The following RNF43 variants were observed in gnomAD, a reference collection of about 807,000 sequenced individuals.
The protein encoded by RNF43 is E3 ubiquitin-protein ligase RNF43.
Under a neutral mutation model 78.4 loss-of-function variants are expected in RNF43, and 37 were observed. The ratio of observed to expected loss-of-function variants is 0.47; its 90% CI spans 0.36 to 0.62. The LOEUF (loss-of-function observed/expected upper bound fraction) is 0.62. Among genes scored for constraint, RNF43 ranks in the 20% least tolerant of loss-of-function variants. The pLI is 0.00. For missense variants in RNF43, 774 were observed against 1,007.9 expected (o/e 0.77, Z 3.14); for synonymous variants, 347 against 395.0 (o/e 0.88, Z 1.44).
At chr17:58,359,759 T>A (rs945602695) in intron 8 of RNF43, among the ~76,000 whole-genome samples, 2 of 151,266 alleles carry the variant, frequency 1.3e-5, no homozygotes, top group Non-Finnish European at 1.5e-5. Context: ...AAACCCCGTC[T>A]CTACTAAAAA....
chr17:58,378,637 G>C (rs1248221842), intron 2 of RNF43, among the ~76,000 whole-genome samples: 1 of 152,164 alleles, frequency 6.6e-6, no homozygotes, highest in African/African-American at 2.4e-5. Flanking sequence ...GGTGGGGAGG[G>C]AGAAGCATAA....
At chr17:58,364,106 G>C (rs1045611700) in intron 3 of RNF43, among the ~76,000 whole-genome samples, 5 of 152,208 alleles carry the variant, frequency 3.3e-5, no homozygotes, top group Admixed American at 1.3e-4. Flanking sequence ...CCCCAGCTCA[G>C]GCAAAGGTCT....
In RNF43 at chr17:58,358,814, G is replaced by A. The variant is rs1444015068; in HGVS notation, c.962C>T (p.Ser321Leu). 3.3e-6 allele frequency: 5 copies of A among 1,502,824 alleles called. No homozygotes were observed. The African/African-American group carries it at 7.0e-5, about 21-fold the overall frequency. The allele number at this position is 1,502,824 out of a possible 1,614,324, so 93.1% of individuals were successfully genotyped here. A position where few individuals can be genotyped will look rare whatever the true frequency, so the allele number is the denominator to read the frequency against. Residue 321 changes from serine to leucine, a missense_variant, in exon 9 of 10, where the codon TCA becomes TTA. Ser to Leu is a moderately radical substitution (Grantham distance 145). Transcript: ENST00000407977. This position sits in a 1 kb window ranked among gnomAD's most constrained non-coding sequence, Gnocchi z 6.2. The stretch of plus-strand genomic sequence containing the variant: ...AGAGGGTCCCAGGGACTGGGAAAAT[G>A]AATCTCCCTCTGGAAAAAAGAACCA... ...LCMFNITEGD[S>L]FSQSLGPSRS...
intron 3 of RNF43, among the ~76,000 whole-genome samples, chr17:58,367,328 T>C (rs192243329): frequency 4.9e-4 from 74 of 152,296 alleles, no homozygotes; most frequent in African/African-American, 1.8e-3. Context: ...TTATTAATAC[T>C]ATGTGTTTCC....
intron 2 of RNF43, among the ~76,000 whole-genome samples, chr17:58,406,497 A>G (rs1280629113): frequency 6.6e-6 from 1 of 152,172 alleles, no homozygotes; most frequent in Non-Finnish European, 1.5e-5. Context: ...CCTCCATCAA[A>G]ACTGTATTTT....
intron 2 of RNF43, among the ~76,000 whole-genome samples, chr17:58,383,419 C>T (rs1973363760): frequency 6.6e-6 from 1 of 152,010 alleles, no homozygotes; most frequent in Admixed American, 6.6e-5. Flanking sequence ...TCAGCAACCC[C>T]CAAGTGGCTG....
intron 3 of RNF43, among the ~76,000 whole-genome samples, chr17:58,365,479 G>A (rs1377763660): frequency 6.6e-6 from 1 of 152,278 alleles, no homozygotes; most frequent in East Asian, 1.9e-4. Context: ...ATTGGGGTAG[G>A]AACAGTGGAA....
At chr17:58,409,829 T>G (rs993562138) in intron 2 of RNF43, among the ~76,000 whole-genome samples, 3 of 152,200 alleles carry the variant, frequency 2.0e-5, no homozygotes, top group Admixed American at 2.0e-4. Flanking sequence ...GAGGCTGCAG[T>G]GAGCCGTGTC....
intron 2 of RNF43, among the ~76,000 whole-genome samples, chr17:58,374,677 C>A (rs950048774): frequency 3.9e-5 from 6 of 152,136 alleles, no homozygotes; most frequent in African/African-American, 1.4e-4. Flanking sequence ...AGGCATGAGC[C>A]ACCGTGTCTG....
chr17:58,368,816 G>C (rs554959564), intron 3 of RNF43, among the ~76,000 whole-genome samples: 8 of 151,826 alleles, frequency 5.3e-5, no homozygotes, highest in Non-Finnish European at 1.0e-4. Context: ...TTAACATGTT[G>C]AACTAACAGA....
At position 58,361,067 on chromosome 17, in the gene RNF43, G is replaced by C. The variant is rs932452498; in HGVS notation, c.688-123C>G. 6 of 1,027,784 alleles carry C rather than the reference G, an allele frequency of 5.8e-6. No individual in the cohort carries two copies. The African/African-American group carries it at 8.3e-5, about 14-fold the overall frequency. The allele number at this position is 1,027,784 out of a possible 1,614,324, so 63.7% of individuals were successfully genotyped here. ...CACATGGCCAGTTGAACATCCTTAG[G>C]AGTTCGTCTCCTCGGAGCTCATATG... On this transcript the variant is annotated intron_variant, in intron 6 of 9. Coordinates refer to ENST00000407977, the MANE Select transcript of RNF43 (RefSeq NM_017763.6).
intron 2 of RNF43, among the ~76,000 whole-genome samples, chr17:58,380,822 C>A (rs2240258): frequency 0.16 from 23,699 of 152,246 alleles, 2,260 homozygotes; most frequent in Non-Finnish European, 0.2. Context: ...CAGGCTTAGT[C>A]TCCTGCTCAG....
chr17:58,370,120 G>A (rs1973054759), intron 3 of RNF43, among the ~76,000 whole-genome samples: 1 of 143,650 alleles, frequency 7.0e-6, no homozygotes, highest in African/African-American at 2.6e-5. Flanking sequence ...CCAGGCTGGA[G>A]TGCAGTGGCA....
intron 6 of RNF43, among the ~76,000 whole-genome samples, chr17:58,361,281 A>C (rs2143451274): frequency 6.6e-6 from 1 of 152,270 alleles, no homozygotes; most frequent in South Asian, 2.1e-4. Context: ...CTCCAACCAC[A>C]TACCTGTCTT....
intron 3 of RNF43, among the ~76,000 whole-genome samples, chr17:58,368,676 G>T (rs1350356196): frequency 1.3e-5 from 2 of 149,052 alleles, no homozygotes; most frequent in Non-Finnish European, 3.0e-5. Context: ...TGGAGCCACT[G>T]CACTCCAGCC....
At chr17:58,395,025 A>G (rs1297677855) in intron 2 of RNF43, 1 of 152,246 alleles carries the variant, frequency 6.6e-6, no homozygotes, top group Non-Finnish European at 1.5e-5. Flanking sequence ...GTATATCGAG[A>G]GGAAAACAAA....
downstream of RNF43, chr17:58,353,591 ATTTAC>A (rs1285342411): frequency 9.6e-6 from 2 of 207,768 alleles, no homozygotes; most frequent in African/African-American, 4.5e-5. Context: ...AACATAAATA[ATTTAC>A]TTCTCTTGAT....
At position 58,360,390 on chromosome 17, in the gene RNF43, T is replaced by C. The variant is rs999821713; in HGVS notation, c.850-139A>G. 12 of 654,138 alleles carry C rather than the reference T, an allele frequency of 1.8e-5. No homozygotes were observed. The highest frequency in any genetic ancestry group is 2.5e-4 in the Middle Eastern group (1 of 4,006). 40.5% of individuals were successfully genotyped at this position (654,138 alleles called of 1,614,324 possible). Reference sequence around the variant, plus strand: ...AGACCTCACAGTAGAATAGGAATGGTATGAGCTTTGGCATCACATAGACCT... The same window carrying C: ...AGACCTCACAGTAGAATAGGAATGGCATGAGCTTTGGCATCACATAGACCT... On this transcript the variant is annotated intron_variant, in intron 7 of 9. Coordinates refer to ENST00000407977, the MANE Select transcript of RNF43 (RefSeq NM_017763.6). The surrounding 1 kb of genome is among the most constrained non-coding windows in gnomAD (Gnocchi z 4.3).
In RNF43 at chr17:58,363,607, A is replaced by C. The variant is rs1250512505; in HGVS notation, c.376-7T>G. 1.2e-6 allele frequency: 2 copies of C among 1,609,776 alleles called. No individual in the cohort carries two copies. Among genetic ancestry groups the C allele is most frequent in the Non-Finnish European group, 1.7e-6 (2 of 1,177,204 alleles). On this transcript the variant is annotated splice_polypyrimidine_tract_variant and splice_region_variant and intron_variant, in intron 3 of 9. Coordinates refer to ENST00000407977, the MANE Select transcript of RNF43 (RefSeq NM_017763.6). ...GCTCACCCGCCATCCGAGCCTGCAG[A>C]GGCACACAGTAGAGGTTGGGCTGAG... is the stretch of plus-strand genomic sequence containing the variant.
Sources: allele counts gnomAD v4.1 joint callset (sites outside exome capture counted in the v4.1 genomes callset), GRCh38; gene constraint gnomAD v4.1.1; non-coding constraint Gnocchi (gnomAD v3.1); transcripts MANE v1.5; gene names NCBI Gene and HGNC (gene_info 2026-07-23, HGNC 2026-07-21).